The following ESR1 variants were observed in gnomAD, a reference collection of about 807,000 sequenced individuals.
ESR1 encodes the protein estrogen receptor 1.
Under a neutral mutation model 52.7 loss-of-function variants are expected in ESR1, and 12 were observed. The observed-to-expected ratio is 0.23, with a 90% CI of 0.15 to 0.37. The LOEUF (loss-of-function observed/expected upper bound fraction) is 0.37. ESR1 is among the 10% of genes least tolerant of loss of function. The pLI is 1.00. For missense variants in ESR1, 584 were observed against 779.7 expected, an observed-to-expected ratio of 0.75 and a Z score of 2.99; for synonymous variants, 305 against 316.8, an observed-to-expected ratio of 0.96 and a Z score of 0.39.
chr6:151,711,443 G>A (rs1582976949), intron 2 of ESR1, among the ~76,000 whole-genome samples: 3 of 152,178 alleles, frequency 2.0e-5, no homozygotes, highest in South Asian at 2.1e-4. Flanking sequence ...GGATGGTCTC[G>A]ATCTTCTGAC....
At chr6:151,958,099 A>C (rs982600927) in intron 4 of ESR1, among the ~76,000 whole-genome samples, 5 of 152,228 alleles carry the variant, frequency 3.3e-5, no homozygotes, top group South Asian at 2.1e-4. Flanking sequence ...GTGCAATTGT[A>C]CCTGGAATAA....
At chr6:151,869,145 T>C (rs1015170265) in intron 2 of ESR1, among the ~76,000 whole-genome samples, 6 of 152,226 alleles carry the variant, frequency 3.9e-5, no homozygotes, top group Admixed American at 3.3e-4. Context: ...CATTTTCCTC[T>C]TCCTTGCTTC....
At chr6:152,085,225 C>T (rs751989230) in intron 6 of ESR1, among the ~76,000 whole-genome samples, 7 of 151,990 alleles carry the variant, frequency 4.6e-5, no homozygotes, top group Non-Finnish European at 7.4e-5. Context: ...ATTGCTTGAG[C>T]GCAGGAGTTT....
intron 2 of ESR1, among the ~76,000 whole-genome samples, chr6:151,852,639 G>GTT (rs35050297): frequency 0.28 from 35,439 of 127,722 alleles, 6,088 homozygotes; most frequent in Non-Finnish European, 0.39. Flanking sequence ...CCAAGCAGGT[G>GTT]TTTTTTTTTT....
At chr6:151,875,159 T>A (rs1311883012) in intron 2 of ESR1, among the ~76,000 whole-genome samples, 1 of 152,236 alleles carries the variant, frequency 6.6e-6, no homozygotes, top group Non-Finnish European at 1.5e-5. Context: ...CGTGGCTTCA[T>A]GGATCCCTTC....
At chr6:151,790,015 A>G (rs900582900) in intron 2 of ESR1, among the ~76,000 whole-genome samples, 2 of 152,098 alleles carry the variant, frequency 1.3e-5, no homozygotes, top group African/African-American at 4.8e-5. Flanking sequence ...GGCCTCATTT[A>G]TGGGCTCTTC....
intron 4 of ESR1, among the ~76,000 whole-genome samples, chr6:151,973,051 C>T (rs562220540): frequency 3.3e-5 from 5 of 152,248 alleles, no homozygotes; most frequent in South Asian, 2.1e-4. Flanking sequence ...AGATTGAGGG[C>T]GGGTCTGCCT....
chr6:151,955,166 G>GTCAATT (rs1349625619), intron 4 of ESR1, among the ~76,000 whole-genome samples: 120 of 152,304 alleles, frequency 7.9e-4, no homozygotes, highest in African/African-American at 2.8e-3. Flanking sequence ...TAGCATGACA[G>GTCAATT]TGATTGTCAA....
At chr6:151,966,135 A>C (rs983233185) in intron 4 of ESR1, among the ~76,000 whole-genome samples, 3 of 152,096 alleles carry the variant, frequency 2.0e-5, no homozygotes, top group Admixed American at 2.0e-4. Context: ...TTGCTTTCAC[A>C]TTTGCTAATA....
intron 1 of ESR1, among the ~76,000 whole-genome samples, chr6:151,667,872 G>T (rs1343831931): frequency 6.6e-6 from 1 of 152,206 alleles, no homozygotes. Context: ...AGGAAAGAGA[G>T]AAATTATGTG....
At chr6:151,971,583 G>A (rs1198433140) in intron 4 of ESR1, among the ~76,000 whole-genome samples, 2 of 152,106 alleles carry the variant, frequency 1.3e-5, no homozygotes, top group Non-Finnish European at 2.9e-5. Flanking sequence ...AATCAAGAGA[G>A]AAATTTAAAA....
intron 6 of ESR1, among the ~76,000 whole-genome samples, chr6:152,119,301 C>T (rs557076264): frequency 6.6e-6 from 1 of 152,282 alleles, no homozygotes; most frequent in Admixed American, 6.5e-5. Context: ...CAGAAGTCTT[C>T]TCTTCTCACT....
At position 151,778,242 on chromosome 6, in the gene ESR1, G is replaced by A. The variant is rs537169045; in HGVS notation, c.-70-29601G>A. 3.3e-5 allele frequency among the ~76,000 whole-genome samples: 5 copies of A among 152,258 alleles called. No individual in the cohort carries two copies. In the East Asian group the frequency reaches 9.7e-4, roughly 29 times the overall value. On this transcript the variant is annotated intron_variant, in intron 2 of 2. Transcript: ENST00000404742. Reference sequence around the variant, plus strand: ...AGGTGGAATGGAGGTGACCAAAGGTGGAAAGGAAGGAGGATTGTTCAATGG... The same window carrying A: ...AGGTGGAATGGAGGTGACCAAAGGTAGAAAGGAAGGAGGATTGTTCAATGG...
At chr6:151,782,345 C>T (rs946970422) in intron 2 of ESR1, among the ~76,000 whole-genome samples, 30 of 152,012 alleles carry the variant, frequency 2.0e-4, no homozygotes, top group African/African-American at 4.8e-4. Context: ...TCTTACTTTA[C>T]GTAAGATGGT....
chr6:151,685,107 C>CATT (rs1778606428), intron 1 of ESR1, among the ~76,000 whole-genome samples: 2 of 72,914 alleles, frequency 2.7e-5, no homozygotes, highest in South Asian at 5.2e-4. Flanking sequence ...ACACTGGCCT[C>CATT]TTTTTTTTTT....
intron 4 of ESR1, among the ~76,000 whole-genome samples, chr6:151,979,492 C>A (rs9340939): frequency 0.042 from 6,457 of 151,992 alleles, 414 homozygotes; most frequent in African/African-American, 0.14. Context: ...GTCTCATAAT[C>A]ATAAGAGAGT....
intron 3 of ESR1, among the ~76,000 whole-genome samples, chr6:151,884,179 T>A (rs1793442801): frequency 6.6e-6 from 1 of 152,234 alleles, no homozygotes; most frequent in African/African-American, 2.4e-5. Flanking sequence ...CGTGAGAACA[T>A]CTTATTTTAA....
At chr6:151,979,918 T>C (rs540400478) in intron 4 of ESR1, among the ~76,000 whole-genome samples, 2 of 152,328 alleles carry the variant, frequency 1.3e-5, no homozygotes, top group Admixed American at 1.3e-4. Flanking sequence ...AAATACTTTA[T>C]TTTGTTATAC....
intron 5 of ESR1, among the ~76,000 whole-genome samples, chr6:152,026,933 T>C (rs1347249663): frequency 2.0e-5 from 3 of 152,112 alleles, no homozygotes; most frequent in African/African-American, 7.2e-5. Flanking sequence ...ATGAGGTAAT[T>C]GTAAGCTAAT....
Sources: gnomAD v4.1 joint callset for allele counts (sites outside exome capture counted in the v4.1 genomes callset) on GRCh38, gnomAD v4.1.1 for gene constraint, MANE v1.5 for transcripts, NCBI Gene and HGNC (gene_info 2026-07-23, HGNC 2026-07-21) for gene names.